ATG7: variants seen among roughly 807,000 people sequenced by gnomAD.
The protein encoded by ATG7 is ubiquitin-like modifier-activating enzyme ATG7.
A neutral mutation model predicts 82.4 loss-of-function variants in ATG7; 70 were observed. The observed-to-expected ratio is 0.85, with a 90% CI of 0.70 to 1.04. The LOEUF (loss-of-function observed/expected upper bound fraction) is 1.04, where lower values mean the gene tolerates loss of function less well. ATG7 is among the 50% of genes least tolerant of loss of function. The probability of loss-of-function intolerance (pLI) is 0.00; values close to 1 mark genes in which losing one functional copy is unlikely to be tolerated. For synonymous variants in ATG7, 287 were observed against 313.0 expected (o/e 0.92, Z 0.88); for missense variants, 792 against 864.3 (o/e 0.92, Z 1.05).
intron 10 of ATG7, among the ~76,000 whole-genome samples, chr3:11,332,404 C>T (rs1951780284): frequency 6.6e-6 from 1 of 152,098 alleles, no homozygotes; most frequent in Non-Finnish European, 1.5e-5. Context: ...CATAAGACAG[C>T]CTTCTTTATA....
chr3:11,575,519 G>GA, the ATG7 span, among the ~76,000 whole-genome samples: 4 of 152,246 alleles, frequency 2.6e-5, no homozygotes, highest in East Asian at 7.7e-4. Flanking sequence ...CTTTCCTTGG[G>GA]CACAATCGGT....
chr3:11,567,589 A>G, the ATG7 span, among the ~76,000 whole-genome samples: 1 of 152,176 alleles, frequency 6.6e-6, no homozygotes, highest in Non-Finnish European at 1.5e-5. Context: ...CCTGTCCATA[A>G]TGTCATCTGT....
chr3:11,521,402 T>C (rs1168913599), intron 20 of ATG7, among the ~76,000 whole-genome samples: 1 of 151,682 alleles, frequency 6.6e-6, no homozygotes, highest in Non-Finnish European at 1.5e-5. Flanking sequence ...TATGTGGTGG[T>C]GGAGAAAAAG....
At chr3:11,308,681 A>C in intron 6 of ATG7, 2 of 434,532 alleles carry the variant, frequency 4.6e-6, no homozygotes, top group South Asian at 5.2e-5. Context: ...CAATAAGTAA[A>C]TATTTGCTGA....
intron 20 of ATG7, among the ~76,000 whole-genome samples, chr3:11,431,039 A>C (rs534287390): frequency 6.6e-6 from 1 of 152,366 alleles, no homozygotes; most frequent in Admixed American, 6.5e-5. Context: ...TTGGAGCCAC[A>C]GTTACCTGAA....
intron 19 of ATG7, among the ~76,000 whole-genome samples, chr3:11,401,553 A>T (rs1282607559): frequency 1.3e-5 from 2 of 152,258 alleles, no homozygotes; most frequent in Non-Finnish European, 2.9e-5. Context: ...TCACTAAGGA[A>T]GTCAGTCCAC....
At chr3:11,448,892 C>A (rs1165293701) in intron 20 of ATG7, among the ~76,000 whole-genome samples, 1 of 152,126 alleles carries the variant, frequency 6.6e-6, no homozygotes, top group African/African-American at 2.4e-5. Context: ...TCTCCCCTGC[C>A]TGACATTTTA....
chr3:11,351,051 T>G (rs1355874627), intron 14 of ATG7, among the ~76,000 whole-genome samples: 1 of 151,918 alleles, frequency 6.6e-6, no homozygotes, highest in East Asian at 1.9e-4. Context: ...ATGCCTGAAA[T>G]TTTTGTTTAC....
intron 13 of ATG7, among the ~76,000 whole-genome samples, chr3:11,345,302 G>A (rs548119107): frequency 3.3e-5 from 5 of 152,280 alleles, no homozygotes; most frequent in East Asian, 3.9e-4. Flanking sequence ...CCAGCTACTC[G>A]GGAGGCTGAG....
At chr3:11,327,361 T>C (rs1335736627) in intron 9 of ATG7, among the ~76,000 whole-genome samples, 2 of 152,264 alleles carry the variant, frequency 1.3e-5, no homozygotes, top group African/African-American at 4.8e-5. Flanking sequence ...TTTAAGCAAA[T>C]ATTTTCTTCT....
At chr3:11,314,323 C>T (rs1949085825) in intron 8 of ATG7, among the ~76,000 whole-genome samples, 1 of 152,170 alleles carries the variant, frequency 6.6e-6, no homozygotes, top group Non-Finnish European at 1.5e-5. Flanking sequence ...TCTTGAAACA[C>T]ATCAATCACT....
At chr3:11,378,164 C>T (rs2077575106) in intron 18 of ATG7, among the ~76,000 whole-genome samples, 1 of 149,796 alleles carries the variant, frequency 6.7e-6, no homozygotes, top group South Asian at 2.1e-4. Context: ...CATGGGTGCA[C>T]CACCACACCC....
chr3:11,334,480 G>T (rs528412575), intron 11 of ATG7, among the ~76,000 whole-genome samples: 16 of 151,676 alleles, frequency 1.1e-4, no homozygotes, highest in African/African-American at 3.9e-4. Flanking sequence ...CTGACCTCAA[G>T]TGATCCACCC....
At chr3:11,394,120 C>T (rs2152877987) in intron 19 of ATG7, among the ~76,000 whole-genome samples, 1 of 152,304 alleles carries the variant, frequency 6.6e-6, no homozygotes, top group East Asian at 1.9e-4. Flanking sequence ...GGAACTATAA[C>T]TTGAACGAAC....
chr3:11,571,784 G>T, the ATG7 span, among the ~76,000 whole-genome samples: 2 of 152,134 alleles, frequency 1.3e-5, no homozygotes, highest in African/African-American at 4.8e-5. Context: ...CATCTATTGC[G>T]AGACAGCTGT....
chr3:11,401,811 A>G (rs1202703129), intron 19 of ATG7, among the ~76,000 whole-genome samples: 2 of 152,184 alleles, frequency 1.3e-5, no homozygotes, highest in Non-Finnish European at 2.9e-5. Flanking sequence ...TGCTCAGCAA[A>G]TATTTTTTCT....
intron 20 of ATG7, among the ~76,000 whole-genome samples, chr3:11,494,259 G>A (rs2090633137): frequency 6.6e-6 from 1 of 152,188 alleles, no homozygotes. Flanking sequence ...TTAGGGAGGG[G>A]TAAGGAAGAG....
At chr3:11,475,991 A>C (rs1470928889) in intron 20 of ATG7, among the ~76,000 whole-genome samples, 1 of 151,802 alleles carries the variant, frequency 6.6e-6, no homozygotes, top group Non-Finnish European at 1.5e-5. Context: ...GAAAAAATGA[A>C]CCCCTGCTGT....
intron 20 of ATG7, among the ~76,000 whole-genome samples, chr3:11,458,364 C>T (rs1468050338): frequency 2.0e-5 from 3 of 152,040 alleles, no homozygotes; most frequent in Non-Finnish European, 4.4e-5. Context: ...CCTGGGTTCA[C>T]GCCATTCTCC....
Sources: allele counts gnomAD v4.1 joint callset (sites outside exome capture counted in the v4.1 genomes callset), GRCh38; gene constraint gnomAD v4.1.1; transcripts MANE v1.5; gene names NCBI Gene and HGNC (gene_info 2026-07-23, HGNC 2026-07-21).